The following NEK7 variants were observed in gnomAD, a reference collection of about 807,000 sequenced individuals.
The protein encoded by NEK7 is serine/threonine-protein kinase Nek7.
Under a neutral mutation model 44.6 loss-of-function variants are expected in NEK7, and 18 were observed. That is an observed-to-expected ratio of 0.40 (90% CI 0.28 to 0.60). NEK7 has a LOEUF of 0.60. NEK7 is among the 20% of genes least tolerant of loss of function. NEK7 has a pLI of 0.38. For missense variants in NEK7, 256 were observed against 366.5 expected, an observed-to-expected ratio of 0.70 and a Z score of 2.46; for synonymous variants, 130 against 121.1, an observed-to-expected ratio of 1.07 and a Z score of -0.48.
chr1:198,234,103 G>A (rs1007591453), intron 2 of NEK7, among the ~76,000 whole-genome samples: 5 of 152,050 alleles, frequency 3.3e-5, no homozygotes, highest in Non-Finnish European at 7.4e-5. Flanking sequence ...TACCTTGGAT[G>A]CCCTCTGGTA....
chr1:198,204,748 G>C lies in NEK7; in HGVS notation c.-28-27805G>C, dbSNP rs545634722. On this transcript the variant is annotated intron_variant, in intron 1 of 9. Transcript: ENST00000367385. ...AAAAAAAAAAAAAAAAGAAACTCAG[G>C]TATTTCATTTACAGATATTGGCTGA... 8.6e-5 allele frequency among the ~76,000 whole-genome samples: 13 copies of C among 150,376 alleles called. 2 individuals carry two copies. The South Asian group carries it at 2.7e-3, about 32-fold the overall frequency.
intron 9 of NEK7, among the ~76,000 whole-genome samples, chr1:198,302,470 C>A (rs908764928): frequency 6.6e-6 from 1 of 151,508 alleles, no homozygotes; most frequent in Admixed American, 6.6e-5. Flanking sequence ...CTGCTTCACT[C>A]AAATGTTTAA....
At chr1:198,296,699 C>G (rs1481221864) in intron 8 of NEK7, among the ~76,000 whole-genome samples, 1 of 152,166 alleles carries the variant, frequency 6.6e-6, no homozygotes, top group African/African-American at 2.4e-5. Context: ...ATTCTCTTCC[C>G]TATGCTAGAT....
rs370274471 is a variant in NEK7, at chr1:198,289,686, C to T, written c.590-3259C>T. On this transcript the variant is annotated intron_variant, in intron 7 of 9. Coordinates refer to ENST00000367385, the MANE Select transcript of NEK7 (RefSeq NM_133494.3). ...TTCATTCAAATTTTTGCAGAGATTA[C>T]AGTGCTAAATTGTTAGCTAAACTAT... is the stretch of plus-strand genomic sequence containing the variant. Among the ~76,000 whole-genome samples, 20 of 152,178 alleles carry T rather than the reference C, an allele frequency of 1.3e-4. 1 individual carries two copies. In the East Asian group the frequency reaches 2.5e-3, roughly 19 times the overall value.
chr1:198,305,752 C>T (rs968170401), intron 9 of NEK7, among the ~76,000 whole-genome samples: 2 of 151,952 alleles, frequency 1.3e-5, no homozygotes, highest in African/African-American at 2.4e-5. Context: ...TTGCAGAACT[C>T]GAGAGAAAAT....
chr1:198,273,867 A>G (rs945635779), intron 5 of NEK7, among the ~76,000 whole-genome samples: 1 of 151,764 alleles, frequency 6.6e-6, no homozygotes, highest in Non-Finnish European at 1.5e-5. Flanking sequence ...CCCACAGATT[A>G]TATTTTAGAA....
chr1:198,246,230 G>A (rs1478824579), intron 2 of NEK7, among the ~76,000 whole-genome samples: 1 of 152,132 alleles, frequency 6.6e-6, no homozygotes, highest in African/African-American at 2.4e-5. Flanking sequence ...TATACAAATT[G>A]CAGTGTGGCA....
intron 1 of NEK7, among the ~76,000 whole-genome samples, chr1:198,208,843 G>A (rs1665675755): frequency 6.6e-6 from 1 of 152,000 alleles, no homozygotes; most frequent in Non-Finnish European, 1.5e-5. Flanking sequence ...GTTTCCAAGA[G>A]ACTGTAAGAA....
At chr1:198,298,766 A>ATGGG in intron 9 of NEK7, among the ~76,000 whole-genome samples, 1 of 152,188 alleles carries the variant, frequency 6.6e-6, no homozygotes, top group Admixed American at 6.5e-5. Context: ...CTTCTTGACT[A>ATGGG]ATTTTCAGAC....
chr1:198,309,184 G>A (rs1655101606), intron 9 of NEK7, among the ~76,000 whole-genome samples: 2 of 152,160 alleles, frequency 1.3e-5, no homozygotes, highest in South Asian at 2.1e-4. Context: ...GTGAGCAGAT[G>A]CATGGGTAAG....
chr1:198,210,131 G>A (rs545626418), intron 1 of NEK7, among the ~76,000 whole-genome samples: 78 of 152,166 alleles, frequency 5.1e-4, no homozygotes, highest in African/African-American at 7.0e-4. Flanking sequence ...GTCCTACTTT[G>A]TCACTTAGGC....
At chr1:198,214,116 GC>G (rs1558059572) in intron 1 of NEK7, among the ~76,000 whole-genome samples, 1 of 152,072 alleles carries the variant, frequency 6.6e-6, no homozygotes, top group African/African-American at 2.4e-5. Context: ...GCCACTGAAA[GC>G]CCCCAGAGCT....
At chr1:198,214,740 G>A (rs1665866578) in intron 1 of NEK7, among the ~76,000 whole-genome samples, 2 of 152,116 alleles carry the variant, frequency 1.3e-5, no homozygotes. Flanking sequence ...AAAAAACAAA[G>A]TTTGGAAAAC....
chr1:198,298,739 C>T (rs1654787440), intron 9 of NEK7, among the ~76,000 whole-genome samples: 1 of 152,190 alleles, frequency 6.6e-6, no homozygotes, highest in Non-Finnish European at 1.5e-5. Flanking sequence ...CACATATCTG[C>T]ATCCTCATCC....
chr1:198,284,880 CAAT>C (rs989393287), intron 7 of NEK7, among the ~76,000 whole-genome samples: 1 of 151,974 alleles, frequency 6.6e-6, no homozygotes, highest in African/African-American at 2.4e-5. Flanking sequence ...TAAATATTAA[CAAT>C]AACAGTAATG....
At chr1:198,231,000 G>A (rs924263972) in intron 1 of NEK7, among the ~76,000 whole-genome samples, 4 of 151,726 alleles carry the variant, frequency 2.6e-5, no homozygotes, top group Admixed American at 1.3e-4. Context: ...TAAGGTCAAC[G>A]TAATCCCAAT....
chr1:198,222,895 G>C (rs1666110497), intron 1 of NEK7, among the ~76,000 whole-genome samples: 1 of 151,946 alleles, frequency 6.6e-6, no homozygotes, highest in Non-Finnish European at 1.5e-5. Flanking sequence ...GGGGTGGATG[G>C]GGGCCGCACA....
chr1:198,256,811 G>A (rs955197192), intron 3 of NEK7, among the ~76,000 whole-genome samples: 14 of 152,172 alleles, frequency 9.2e-5, no homozygotes, highest in African/African-American at 3.4e-4. Context: ...CACAGAGTTC[G>A]TGAGCTGGGT....
chr1:198,229,703 A>G (rs1053632200), intron 1 of NEK7, among the ~76,000 whole-genome samples: 10 of 152,178 alleles, frequency 6.6e-5, no homozygotes, highest in African/African-American at 1.9e-4. Flanking sequence ...GGAAAAACAC[A>G]GTTTGTGGCT....
Sources: allele counts gnomAD v4.1 joint callset (sites outside exome capture counted in the v4.1 genomes callset), GRCh38; gene constraint gnomAD v4.1.1; transcripts MANE v1.5; gene names NCBI Gene and HGNC (gene_info 2026-07-23, HGNC 2026-07-21).